The following DUSP3 variants were observed in gnomAD, a reference collection of about 807,000 sequenced individuals.
The protein encoded by DUSP3 is dual specificity phosphatase 3.
In DUSP3, 7 loss-of-function variants were observed where a neutral mutation model predicts 15.5. The ratio of observed to expected loss-of-function variants is 0.45; its 90% CI spans 0.26 to 0.85. The LOEUF (loss-of-function observed/expected upper bound fraction) is 0.85. DUSP3 is among the 40% of genes least tolerant of loss of function. The pLI is 0.18. For synonymous variants in DUSP3, 86 were observed against 104.2 expected, an observed-to-expected ratio of 0.83 and a Z score of 1.07; for missense variants, 209 against 251.7, an observed-to-expected ratio of 0.83 and a Z score of 1.15.
intron 1 of DUSP3, among the ~76,000 whole-genome samples, chr17:43,776,385 G>A (rs556492027): frequency 1.3e-5 from 2 of 152,338 alleles, no homozygotes; most frequent in South Asian, 4.1e-4. Context: ...GGCAGATCTG[G>A]GAGAAGACCT....
At chr17:43,773,491 A>G (rs1974343186) in intron 2 of DUSP3, among the ~76,000 whole-genome samples, 2 of 152,006 alleles carry the variant, frequency 1.3e-5, no homozygotes, top group African/African-American at 4.8e-5. Context: ...CTTATCTTAT[A>G]TTTGGGGGCT....
chr17:43,770,038 C>G (rs1386635960), intron 2 of DUSP3, among the ~76,000 whole-genome samples: 1 of 152,140 alleles, frequency 6.6e-6, no homozygotes, highest in Non-Finnish European at 1.5e-5. Flanking sequence ...TGAATTGGCA[C>G]AACCACTTTG....
Position 43,769,669 on chromosome 17 carries a change from G to A in DUSP3, c.498C>T (p.Phe166=), listed in dbSNP as rs1298120593. The change falls in exon 3 of 3, where the codon TTC becomes TTT. Residue 166 remains phenylalanine, a synonymous_variant. Transcript: ENST00000226004. The part of the protein sequence containing the change: ...QNREIGPNDG[F]LAQLCQLNDR... ...CATTGAGCTGGCAGAGCTGGGCCAG[G>A]AAGCCATCGTTGGGGCCGATCTCAC... The A allele has an allele frequency of 6.2e-7, 1 of 1,613,320 alleles. No homozygotes were observed. Among genetic ancestry groups the A allele is most frequent in the Non-Finnish European group, 8.5e-7 (1 of 1,179,946 alleles).
At position 43,769,710 on chromosome 17, in the gene DUSP3, T is replaced by C. The variant is rs1974287725; in HGVS notation, c.457A>G (p.Ile153Val). Residue 153 changes from isoleucine to valine, a missense_variant, in exon 3 of 3, where the codon ATC becomes GTC. Transcript: ENST00000226004. ...QKMDVKSALSIVRQNREIGPN... is the reference protein window; with the variant it reads ...QKMDVKSALSVVRQNREIGPN... Reference sequence around the variant, plus strand: ...CCGATCTCACGGTTCTGCCTCACGATGCTCAGGGCAGACTTGACGTCCATC... The same window carrying C: ...CCGATCTCACGGTTCTGCCTCACGACGCTCAGGGCAGACTTGACGTCCATC... The C allele has an allele frequency of 6.2e-7, 1 of 1,613,744 alleles. No homozygotes were observed. The highest frequency in any genetic ancestry group is 8.5e-7 in the Non-Finnish European group (1 of 1,179,892).
intron 2 of DUSP3, 65 bp from the exon 3 acceptor site, chr17:43,769,879 ACT>A: frequency 1.9e-6 from 3 of 1,555,720 alleles, no homozygotes; most frequent in Middle Eastern, 1.8e-4. Flanking sequence ...GTTGGTCAAG[ACT>A]CTTCCGTGAA....
intron 2 of DUSP3, 101 bp from the exon 3 acceptor site, chr17:43,769,915 A>C: frequency 5.1e-5 from 65 of 1,274,766 alleles, no homozygotes; most frequent in Non-Finnish European, 6.5e-5. Flanking sequence ...GCACAATGTC[A>C]CGCCACTGTG....
At chr17:43,769,849 G>T (rs763654001) in intron 2 of DUSP3, 35 bp from the exon 3 acceptor site, 2 of 1,609,876 alleles carry the variant, frequency 1.2e-6, no homozygotes, top group Non-Finnish European at 1.7e-6. Flanking sequence ...TGAGCTGGGG[G>T]CGTCCCATCA....
At chr17:43,777,617 T>G in intron 1 of DUSP3, 1 of 452,770 alleles carries the variant, frequency 2.2e-6, no homozygotes, top group Non-Finnish European at 4.4e-6. Context: ...AGGGTTAGTT[T>G]TGAGTTTTCA....
rs182055912 is a variant in DUSP3 at position 43,775,862 on chromosome 17, C to T, written c.126-924G>A. The stretch of plus-strand genomic sequence containing the variant: ...GGTGCAGTGGCTCACACCTGTAATC[C>T]CAGCACTCTGGGAAGCCGAGGCAGG... On this transcript the variant is annotated intron_variant, in intron 1 of 2. Transcript: ENST00000226004. Among the ~76,000 whole-genome samples, 141 of 152,182 alleles carry T rather than the reference C, an allele frequency of 9.3e-4. 1 individual carries two copies. Among genetic ancestry groups the T allele is most frequent in the Non-Finnish European group, 1.8e-3 (123 of 68,014 alleles).
Position 43,767,677 on chromosome 17 carries a change from A to C in DUSP3, c.*1932T>G, listed in dbSNP as rs952911939. On this transcript the variant is annotated 3_prime_UTR_variant, in exon 3 of 3. Coordinates refer to ENST00000226004, the MANE Select transcript of DUSP3 (RefSeq NM_004090.4). ...GTTAGATTAAGTTGGAAGGCTACCTAGAAGCTGTGCAGTGAGGTACCCAGT... is the reference window on the plus strand; with the variant it reads ...GTTAGATTAAGTTGGAAGGCTACCTCGAAGCTGTGCAGTGAGGTACCCAGT... 1 of 152,268 alleles carries C rather than the reference A, an allele frequency of 6.6e-6. No homozygotes were observed. The highest frequency in any genetic ancestry group is 1.5e-5 in the Non-Finnish European group (1 of 68,050). The allele number at this position is 152,268 out of a possible 1,614,324, so 9.4% of individuals were successfully genotyped here.
chr17:43,774,779 C>G lies in DUSP3; in HGVS notation c.285G>C (p.Glu95Asp), dbSNP rs1172943076. ...TTTCAAAGTAAGCGCTGAGGTTGAA[C>G]TCCTGTGTGTCGTTGGCCTTGATGC... ...YLGIKANDTQ[E>D]FNLSAYFERA... The change falls in exon 2 of 3, where the codon GAG (glutamate) becomes GAC (aspartate). Residue 95 changes from glutamate (E) to aspartate (D), a missense_variant. By Grantham distance (45) the Glu-to-Asp change is conservative. Transcript: ENST00000226004. 2 of 1,614,088 alleles carry G rather than the reference C, an allele frequency of 1.2e-6. No individual in the cohort carries two copies. The highest frequency in any genetic ancestry group is 1.7e-6 in the Non-Finnish European group (2 of 1,180,044).
chr17:43,772,010 C>CAAA (rs1190299771), intron 2 of DUSP3, among the ~76,000 whole-genome samples: 1 of 64,202 alleles, frequency 1.6e-5, no homozygotes, highest in Non-Finnish European at 3.8e-5. Context: ...GACTCCGTCT[C>CAAA]AAAAAAAAAA....
rs1451365672 is a variant in DUSP3 at position 43,778,907 on chromosome 17, C to A, written c.18G>T (p.Glu6Asp). Residue 6 changes from glutamate (E) to aspartate (D), a missense_variant, in exon 1 of 3, where the codon GAG (glutamate) becomes GAT (aspartate). Glu to Asp is a conservative substitution (Grantham distance 45). Coordinates refer to ENST00000226004, the MANE Select transcript of DUSP3 (RefSeq NM_004090.4). ...GGTCGTTGAGATCCTGCACCGAGAG[C>A]TCGAACGAGCCCGACATGGCGGCGG... MSGSF[E>D]LSVQDLNDLL... is the part of the protein sequence containing the mutation. The A allele has an allele frequency of 4.1e-6, 6 of 1,477,654 alleles. No individual in the cohort carries two copies. In the South Asian group the frequency reaches 7.8e-5, roughly 19 times the overall value. 91.5% of individuals were successfully genotyped at this position (1,477,654 alleles called of 1,614,324 possible). A position where few individuals can be genotyped will look rare whatever the true frequency, so the allele number is the denominator to read the frequency against.
intron 1 of DUSP3, chr17:43,777,541 T>C: frequency 4.4e-6 from 2 of 456,004 alleles, no homozygotes; most frequent in Non-Finnish European, 8.8e-6. Context: ...GAACAAGACA[T>C]TGACCCTGTC....
chr17:43,774,650 T>C (rs1974364577), intron 2 of DUSP3, 62 bp downstream of exon 2: 1 of 1,579,480 alleles, frequency 6.3e-7, no homozygotes, highest in South Asian at 1.1e-5. Context: ...GTGGGCCTGT[T>C]TTCCAGAGGG....
chr17:43,775,835 CG>C (rs1410028723), intron 1 of DUSP3, among the ~76,000 whole-genome samples: 4 of 152,124 alleles, frequency 2.6e-5, no homozygotes, highest in African/African-American at 9.7e-5. Flanking sequence ...TATCTAAGGT[CG>C]GGTGCAGTGG....
rs1024585741 is a variant in DUSP3 at position 43,778,838 on chromosome 17, G to A, written c.87C>T (p.Pro29=). 7.2e-6 allele frequency: 11 copies of A among 1,534,140 alleles called. No homozygotes were observed. Among genetic ancestry groups the A allele is most frequent in the Non-Finnish European group, 9.6e-6 (11 of 1,142,604 alleles). Residue 29 remains proline (P), a synonymous_variant, in exon 1 of 3, where the codon CCC becomes CCT. Coordinates refer to ENST00000226004, the MANE Select transcript of DUSP3 (RefSeq NM_004090.4). ...GSGCYSLPSQ[P]CNEVTPRIYV... ...AGATCCGCGGGGTGACCTCGTTGCA[G>A]GGCTGGCTCGGGAGGCTGTAGCAGC...
intron 1 of DUSP3, 113 bp downstream of exon 1, chr17:43,778,687 G>T (rs1974423782): frequency 7.6e-7 from 1 of 1,310,448 alleles, no homozygotes; most frequent in South Asian, 1.7e-5. Flanking sequence ...TCCCGGAGGG[G>T]CCATCGCGCC....
chr17:43,769,908 C>T, intron 2 of DUSP3, 94 bp from the exon 3 acceptor site: 1 of 1,318,854 alleles, frequency 7.6e-7, no homozygotes, highest in Non-Finnish European at 1.1e-6. Flanking sequence ...CTTAAAAGCA[C>T]AATGTCACGC....
Sources: gnomAD v4.1 joint callset for allele counts (sites outside exome capture counted in the v4.1 genomes callset) on GRCh38, gnomAD v4.1.1 for gene constraint, MANE v1.5 for transcripts, NCBI Gene and HGNC (gene_info 2026-07-23, HGNC 2026-07-21) for gene names.